The following CBR4 variants were observed in gnomAD, a reference collection of about 807,000 sequenced individuals.
CBR4 encodes carbonyl reductase 4, also known as 3-oxoacyl-[acyl-carrier-protein] reductase.
In CBR4, 22 loss-of-function variants were observed where a neutral mutation model predicts 21.0. That is an observed-to-expected ratio of 1.05 (90% CI 0.75 to 1.50). The LOEUF is 1.50. CBR4 is among the 40% of genes most tolerant of loss of function. CBR4 has a pLI of 0.00. For synonymous variants in CBR4, 100 were observed against 104.4 expected (o/e 0.96, Z 0.26); for missense variants, 302 against 286.3 (o/e 1.05, Z -0.40).
At chr4:168,966,829 T>C (rs768438938) in intron 2 of CBR4, among the ~76,000 whole-genome samples, 1 of 152,000 alleles carries the variant, frequency 6.6e-6, no homozygotes. Context: ...CCATCCTGGC[T>C]AACACGATGA....
chr4:168,921,410 A>AAAG (rs1761480109), intron 2 of CBR4: 1 of 488,168 alleles, frequency 2.0e-6, no homozygotes, highest in East Asian at 3.6e-5. Flanking sequence ...TCTGTCCAAA[A>AAAG]AAAAAAAAAA....
downstream of CBR4, among the ~76,000 whole-genome samples, chr4:168,985,898 GC>G (rs1764676437): frequency 6.6e-6 from 1 of 152,236 alleles, no homozygotes; most frequent in South Asian, 2.1e-4. Context: ...ACACACTGGG[GC>G]CTACTTGAAA....
chr4:168,987,555 T>C (rs17054603), downstream of CBR4: 101,245 of 702,574 alleles, frequency 0.14, 7,776 homozygotes, highest in African/African-American at 0.22. Context: ...TCTACTCTTA[T>C]AGTTGCAGAG....
intron 2 of CBR4, among the ~76,000 whole-genome samples, chr4:168,914,714 C>T (rs898793045): frequency 6.6e-6 from 1 of 152,158 alleles, no homozygotes. Flanking sequence ...ATTTTATAGA[C>T]AGAATATCCT....
At chr4:168,909,290 A>G (rs556515831) in intron 2 of CBR4, among the ~76,000 whole-genome samples, 1 of 152,320 alleles carries the variant, frequency 6.6e-6, no homozygotes, top group South Asian at 2.1e-4. Flanking sequence ...CATTATGTAT[A>G]CAAGTGGCAA....
At chr4:168,966,356 C>CAAAAAAAAAAAAAAA (rs1215042926) in intron 2 of CBR4, among the ~76,000 whole-genome samples, 1 of 75,180 alleles carries the variant, frequency 1.3e-5, no homozygotes, top group African/African-American at 5.5e-5. Flanking sequence ...ACTAAAAATA[C>CAAAAAAAAAAAAAAA]AAAAAAAAAA....
At chr4:168,919,150 G>T (rs950344254) in intron 2 of CBR4, among the ~76,000 whole-genome samples, 1 of 152,010 alleles carries the variant, frequency 6.6e-6, no homozygotes, top group Admixed American at 6.6e-5. Flanking sequence ...TCCTTAAAAC[G>T]CCTGCCATTA....
At chr4:168,952,561 G>A (rs1487681206) in intron 2 of CBR4, among the ~76,000 whole-genome samples, 5 of 152,164 alleles carry the variant, frequency 3.3e-5, no homozygotes, top group Non-Finnish European at 7.3e-5. Context: ...CAGAGGGAAG[G>A]TTTAGGGCTG....
At chr4:168,985,271 C>G (rs915453132), downstream of CBR4, among the ~76,000 whole-genome samples, 1 of 151,910 alleles carries the variant, frequency 6.6e-6, no homozygotes, top group Non-Finnish European at 1.5e-5. Context: ...TACGTGCAGC[C>G]AACAAGCATA....
chr4:168,990,279 C>A lies in CBR4; in HGVS notation c.585G>T (p.Lys195Asn). The A allele has an allele frequency of 6.2e-7, 1 of 1,611,458 alleles. No homozygotes were observed. Among genetic ancestry groups the A allele is most frequent in the Non-Finnish European group, 8.5e-7 (1 of 1,178,388 alleles). ...CAAACCTCCCAAGAGGAATATTTTTCTTTAAATGTTCTTCTTTCAAGTCTT... is the reference window on the plus strand; with the variant it reads ...CAAACCTCCCAAGAGGAATATTTTTATTTAAATGTTCTTCTTTCAAGTCTT... ...MTKDLKEEHL[K>N]KNIPLGRFGE... The change falls in exon 5 of 5, where the codon AAG becomes AAT. Residue 195 changes from lysine to asparagine, a missense_variant. Coordinates refer to ENST00000306193, the MANE Select transcript of CBR4 (RefSeq NM_032783.5).
chr4:168,906,066 C>G (rs1757737134), intron 2 of CBR4, among the ~76,000 whole-genome samples: 1 of 152,030 alleles, frequency 6.6e-6, no homozygotes, highest in African/African-American at 2.4e-5. Flanking sequence ...GTTTAGTTTT[C>G]TGCCTGTTTA....
Position 169,000,386 on chromosome 4 carries a change from AAAAAAG to A in CBR4, c.535+1679_535+1684del, listed in dbSNP as rs555709578. ...TGTAGCTAGTTGCTATGAGAAAAAA[AAAAAAG>A]AAAAGAAAAGAATTGAAATAAAGAC... On this transcript the variant is annotated intron_variant, in intron 4 of 4. Transcript: ENST00000306193. Among the ~76,000 whole-genome samples, 672 of 152,226 alleles carry A rather than the reference AAAAAAG, an allele frequency of 4.4e-3. 7 individuals carry two copies. Among genetic ancestry groups the A allele is most frequent in the African/African-American group, 0.015 (640 of 41,520 alleles).
downstream of CBR4, among the ~76,000 whole-genome samples, chr4:168,983,955 T>C (rs1764612753): frequency 6.6e-6 from 1 of 152,110 alleles, no homozygotes; most frequent in South Asian, 2.1e-4. Flanking sequence ...AATATCATAC[T>C]GAACAGGTAA....
At chr4:168,896,581 T>C in intron 2 of CBR4, 1 of 1,517,832 alleles carries the variant, frequency 6.6e-7, no homozygotes, top group Non-Finnish European at 8.9e-7. Flanking sequence ...CTGTAGGGAG[T>C]CCTCTGGATG....
At chr4:168,995,637 G>C (rs147002329) in intron 4 of CBR4, among the ~76,000 whole-genome samples, 1 of 151,998 alleles carries the variant, frequency 6.6e-6, no homozygotes, top group African/African-American at 2.4e-5. Flanking sequence ...TAAAACTCTG[G>C]AAATTTTGCT....
At chr4:168,954,735 A>G (rs1420168535) in intron 2 of CBR4, among the ~76,000 whole-genome samples, 1 of 152,248 alleles carries the variant, frequency 6.6e-6, no homozygotes, top group African/African-American at 2.4e-5. Context: ...CATGAAAAGG[A>G]AGACATGAGA....
At chr4:168,938,912 T>C (rs1582294040) in intron 2 of CBR4, among the ~76,000 whole-genome samples, 1 of 151,938 alleles carries the variant, frequency 6.6e-6, no homozygotes, top group African/African-American at 2.4e-5. Context: ...TTCTAAACAA[T>C]AGTAAAAAAG....
intron 2 of CBR4, among the ~76,000 whole-genome samples, chr4:168,977,551 C>T (rs1258558711): frequency 6.6e-6 from 1 of 152,192 alleles, no homozygotes; most frequent in East Asian, 1.9e-4. Context: ...AACTCTCTAC[C>T]TAAGCAATCC....
chr4:168,907,153 T>A (rs1757985201), intron 2 of CBR4, among the ~76,000 whole-genome samples: 1 of 151,982 alleles, frequency 6.6e-6, no homozygotes, highest in East Asian at 1.9e-4. Context: ...CAGATTTAAA[T>A]AGTACATGTA....
Sources: allele counts gnomAD v4.1 joint callset (sites outside exome capture counted in the v4.1 genomes callset), GRCh38; gene constraint gnomAD v4.1.1; transcripts MANE v1.5; gene names NCBI Gene and HGNC (gene_info 2026-07-23, HGNC 2026-07-21).